Variants in GRM7 observed in about 807,000 individuals in gnomAD.
GRM7 encodes the protein metabotropic glutamate receptor 7.
Under a neutral mutation model 84.5 loss-of-function variants are expected in GRM7, and 35 were observed. The observed-to-expected ratio is 0.41, with a 90% CI of 0.32 to 0.55. The LOEUF (loss-of-function observed/expected upper bound fraction) is 0.55. Ranked by LOEUF, GRM7 falls within the 20% of genes least tolerant of loss-of-function variation. The probability of loss-of-function intolerance (pLI) is 0.19; values close to 1 mark genes in which losing one functional copy is unlikely to be tolerated. For synonymous variants in GRM7, 487 were observed against 455.1 expected (o/e 1.07, Z -0.89); for missense variants, 1,003 against 1,194.6 (o/e 0.84, Z 2.36).
chr3:7,693,270 G>C (rs746226776), intron 9 of GRM7, among the ~76,000 whole-genome samples: 7 of 152,020 alleles, frequency 4.6e-5, no homozygotes, highest in Non-Finnish European at 8.8e-5. Flanking sequence ...AATCAAGTTT[G>C]GCATGGAAAC....
intron 1 of GRM7, among the ~76,000 whole-genome samples, chr3:7,086,706 G>T (rs1026266704): frequency 6.6e-5 from 10 of 152,144 alleles, no homozygotes; most frequent in African/African-American, 2.4e-4. Flanking sequence ...GCAGAAAGCA[G>T]CAAGACTTTA....
intron 2 of GRM7, among the ~76,000 whole-genome samples, chr3:7,209,111 T>C (rs1696336879): frequency 6.6e-6 from 1 of 152,208 alleles, no homozygotes; most frequent in East Asian, 1.9e-4. Context: ...AGTTATCTGT[T>C]TTACTCAAAG....
intron 1 of GRM7, among the ~76,000 whole-genome samples, chr3:6,966,133 A>G (rs1187097872): frequency 1.3e-5 from 2 of 152,206 alleles, no homozygotes; most frequent in Non-Finnish European, 1.5e-5. Context: ...GATGTTAACA[A>G]AGAATTTACT....
At chr3:6,942,781 C>A (rs1018047850) in intron 1 of GRM7, among the ~76,000 whole-genome samples, 6 of 152,038 alleles carry the variant, frequency 3.9e-5, no homozygotes, top group African/African-American at 1.4e-4. Flanking sequence ...ATATGCTTAA[C>A]TTTTTAAGAA....
chr3:7,171,186 A>G (rs913208566), intron 2 of GRM7, among the ~76,000 whole-genome samples: 4 of 152,152 alleles, frequency 2.6e-5, no homozygotes, highest in African/African-American at 9.7e-5. Flanking sequence ...GGACCAAGAC[A>G]GGAGGATCTG....
intron 8 of GRM7, among the ~76,000 whole-genome samples, chr3:7,644,253 T>C (rs1698520898): frequency 6.7e-6 from 1 of 149,624 alleles, no homozygotes; most frequent in Admixed American, 6.7e-5. Context: ...TGTGTGTGTC[T>C]GTACATATAT....
Position 7,491,285 on chromosome 3 carries a change from TAAAG to T in GRM7, c.1515+29565_1515+29568del, listed in dbSNP as rs1244961897. Among the ~76,000 whole-genome samples the T allele has an allele frequency of 5.3e-5, 8 of 152,076 alleles. No individual in the cohort carries two copies. In the South Asian group the frequency reaches 6.2e-4, roughly 12 times the overall value. The stretch of plus-strand genomic sequence containing the variant: ...CAGGAGTGGAAATAAATACAAAAAA[TAAAG>T]AGAGATGATTTGTTAGCTTTTTGTT... On this transcript the variant is annotated intron_variant, in intron 7 of 9. Coordinates refer to ENST00000357716, the MANE Select transcript of GRM7 (RefSeq NM_000844.4).
chr3:7,580,185 C>T (rs1487014816), intron 8 of GRM7, among the ~76,000 whole-genome samples: 1 of 152,138 alleles, frequency 6.6e-6, no homozygotes, highest in Non-Finnish European at 1.5e-5. Flanking sequence ...CTATACTCAC[C>T]CACGTGGCTA....
At chr3:7,280,631 C>T (rs537077096) in intron 2 of GRM7, among the ~76,000 whole-genome samples, 9 of 152,130 alleles carry the variant, frequency 5.9e-5, no homozygotes, top group Non-Finnish European at 1.3e-4. Flanking sequence ...GATACAAAGC[C>T]CAGTAGCGCT....
chr3:7,292,749 G>A lies in GRM7; in HGVS notation c.737-5935G>A, dbSNP rs189895347. Reference sequence around the variant, plus strand: ...TTTAAAAAAAAAAACAAACCATTGAGGCTGGACGCGGTGGCTCACGCCTGT... The same window carrying A: ...TTTAAAAAAAAAAACAAACCATTGAAGCTGGACGCGGTGGCTCACGCCTGT... On this transcript the variant is annotated intron_variant, in intron 2 of 9. Coordinates refer to ENST00000357716, the MANE Select transcript of GRM7 (RefSeq NM_000844.4). Among the ~76,000 whole-genome samples the A allele has an allele frequency of 7.7e-4, 116 of 150,850 alleles. 1 individual carries two copies. The highest frequency in any genetic ancestry group is 3.4e-3 in the Middle Eastern group (1 of 294).
chr3:7,326,816 A>G (rs1701006287), intron 4 of GRM7, among the ~76,000 whole-genome samples: 1 of 151,016 alleles, frequency 6.6e-6, no homozygotes, highest in Non-Finnish European at 1.5e-5. Flanking sequence ...CCTGGGCAAC[A>G]CAGTGGAACT....
At chr3:7,530,715 T>C (rs762376909) in intron 7 of GRM7, among the ~76,000 whole-genome samples, 1 of 152,324 alleles carries the variant, frequency 6.6e-6, no homozygotes, top group East Asian at 1.9e-4. Context: ...CTTTTTTTCA[T>C]ATGTTTCTTG....
rs148198637 is a variant in GRM7 at position 7,659,072 on chromosome 3, C to G, written c.2452-20977C>G. 2.8e-3 allele frequency among the ~76,000 whole-genome samples: 433 copies of G among 152,306 alleles called. 7 individuals are homozygous for G. Among genetic ancestry groups the G allele is most frequent in the Middle Eastern group, 0.017 (5 of 292 alleles). ...ACTCAGTAACTGAATATTCGTTTGT[C>G]TGAATTGCTCATATTTCTGTTGAGC... On this transcript the variant is annotated intron_variant, in intron 8 of 9. Coordinates refer to ENST00000357716, the MANE Select transcript of GRM7 (RefSeq NM_000844.4).
At chr3:6,867,514 T>C (rs1243023489) in intron 1 of GRM7, among the ~76,000 whole-genome samples, 1 of 152,156 alleles carries the variant, frequency 6.6e-6, no homozygotes, top group African/African-American at 2.4e-5. Flanking sequence ...AGCAAATCTT[T>C]TGTTGATATC....
At chr3:6,874,870 A>G (rs1301987622) in intron 1 of GRM7, among the ~76,000 whole-genome samples, 1 of 152,122 alleles carries the variant, frequency 6.6e-6, no homozygotes, top group Non-Finnish European at 1.5e-5. Flanking sequence ...TGAATCAACT[A>G]ATATTTTATT....
At chr3:7,527,830 T>C (rs1259295896) in intron 7 of GRM7, among the ~76,000 whole-genome samples, 4 of 152,088 alleles carry the variant, frequency 2.6e-5, no homozygotes, top group Non-Finnish European at 5.9e-5. Context: ...ATCACATTTA[T>C]TGACTTGTGT....
At chr3:7,439,399 T>C (rs2124867548) in intron 5 of GRM7, among the ~76,000 whole-genome samples, 1 of 152,312 alleles carries the variant, frequency 6.6e-6, no homozygotes, top group Middle Eastern at 3.4e-3. Flanking sequence ...TGTCAGCCTA[T>C]GTGAATTGCA....
chr3:7,537,920 G>T (rs1402026692), intron 7 of GRM7, among the ~76,000 whole-genome samples: 1 of 152,150 alleles, frequency 6.6e-6, no homozygotes, highest in Admixed American at 6.5e-5. Context: ...TAGAGCTTCA[G>T]CTGAGTTATG....
At chr3:7,100,725 A>G (rs181948140) in intron 1 of GRM7, among the ~76,000 whole-genome samples, 62 of 151,816 alleles carry the variant, frequency 4.1e-4, no homozygotes, top group Middle Eastern at 3.4e-3. Context: ...TATAATCATT[A>G]CTCCTATCAG....
Sources: allele counts gnomAD v4.1 joint callset (sites outside exome capture counted in the v4.1 genomes callset), GRCh38; gene constraint gnomAD v4.1.1; transcripts MANE v1.5; gene names NCBI Gene and HGNC (gene_info 2026-07-23, HGNC 2026-07-21).